The following ABCC9 variants were observed in gnomAD, a reference collection of about 807,000 sequenced individuals.
ABCC9 encodes the protein ATP binding cassette subfamily C member 9.
A neutral mutation model predicts 188.3 loss-of-function variants in ABCC9; 95 were observed. The ratio of observed to expected loss-of-function variants is 0.50; its 90% CI spans 0.43 to 0.60. ABCC9 has a LOEUF of 0.60. Ranked by LOEUF, ABCC9 falls within the 20% of genes least tolerant of loss-of-function variation. ABCC9 has a pLI of 0.00. For missense variants in ABCC9, 1,102 were observed against 1,876.3 expected (o/e 0.59, Z 7.62); for synonymous variants, 659 against 652.7 (o/e 1.01, Z -0.15).
chr12:21,835,292 A>G lies in ABCC9; in HGVS notation c.3566+2786T>C, dbSNP rs138551756. ...ACCTAGTATGTAACTGACTCTGTCA[A>G]TATTCTAAAGATTAAGATGAAGGAC... On this transcript the variant is annotated intron_variant, in intron 30 of 39. Transcript: ENST00000261200. Among the ~76,000 whole-genome samples, 320 of 152,346 alleles carry G rather than the reference A, an allele frequency of 2.1e-3. 2 individuals are homozygous for G. The highest frequency in any genetic ancestry group is 7.5e-3 in the African/African-American group (311 of 41,578).
At position 21,807,461 on chromosome 12, in the gene ABCC9, C is replaced by T. The variant is rs1274738612; in HGVS notation, c.4334G>A (p.Gly1445Asp). 1.9e-6 allele frequency: 3 copies of T among 1,613,878 alleles called. No individual in the cohort carries two copies. Among genetic ancestry groups the T allele is most frequent in the Non-Finnish European group, 2.5e-6 (3 of 1,179,794 alleles). ...CTGTCCAACGCTAAAATTCTCCCCA[C>T]CTTCAGTGACAACCGCATCTAAATC... ...PGGLDAVVTE[G>D]GENFSVGQRQ... is the part of the protein sequence containing the mutation. The change falls in exon 38 of 40, where the codon GGT becomes GAT. Residue 1445 changes from glycine to aspartate, a missense_variant. Gly to Asp is a moderately conservative substitution (Grantham distance 94). Around this residue, in one of 12 missense-constraint regions of ABCC9, gnomAD observed 40 missense variants for 105.5 expected, o/e 0.38. Coordinates refer to ENST00000261200, the MANE Select transcript of ABCC9 (RefSeq NM_020297.4).
At chr12:21,838,639 TGTA>T (rs1475354359) in intron 29 of ABCC9, among the ~76,000 whole-genome samples, 1 of 152,116 alleles carries the variant, frequency 6.6e-6, no homozygotes, top group African/African-American at 2.4e-5. Context: ...TTAGGGCTGT[TGTA>T]GTAGGAAGAG....
At chr12:21,907,209 C>G (rs1240443490) in intron 11 of ABCC9, among the ~76,000 whole-genome samples, 5 of 152,030 alleles carry the variant, frequency 3.3e-5, no homozygotes, top group Admixed American at 6.6e-5. Context: ...CTCTCCTAAG[C>G]TCCCCTTCCA....
At chr12:21,924,920 T>C (rs1231493362) in intron 5 of ABCC9, 1 of 152,196 alleles carries the variant, frequency 6.6e-6, no homozygotes, top group African/African-American at 2.4e-5. Context: ...AACAATCATA[T>C]AATGTGACAC....
rs539214678 is a variant in ABCC9, at chr12:21,808,851, C to A, written c.4315+1001G>T. Among the ~76,000 whole-genome samples the A allele has an allele frequency of 1.7e-4, 25 of 150,282 alleles. 1 individual carries two copies. In the East Asian group the frequency reaches 4.7e-3, roughly 28 times the overall value. ...CAGAGTTCTGGAATTATTTTCACAACCTGACCCTGGCAAGTCAATAAAACA... is the reference window on the plus strand; with the variant it reads ...CAGAGTTCTGGAATTATTTTCACAAACTGACCCTGGCAAGTCAATAAAACA... On this transcript the variant is annotated intron_variant, in intron 37 of 39. Transcript: ENST00000261200.
intron 12 of ABCC9, among the ~76,000 whole-genome samples, chr12:21,902,449 G>A (rs951235620): frequency 1.3e-5 from 2 of 152,156 alleles, no homozygotes; most frequent in Admixed American, 6.5e-5. Context: ...ACTTAGATCA[G>A]AGCAGAACTG....
chr12:21,844,489 A>G lies in ABCC9; in HGVS notation c.3309T>C (p.Ile1103=), dbSNP rs767919730. 1 of 1,613,184 alleles carries G rather than the reference A, an allele frequency of 6.2e-7. No homozygotes were observed. The highest frequency in any genetic ancestry group is 8.5e-7 in the Non-Finnish European group (1 of 1,179,170). The change falls in exon 28 of 40, where the codon ATT becomes ATC. Residue 1103 remains isoleucine, a synonymous_variant. Transcript: ENST00000261200. ...LNRFSADTNI[I]DQHIPPTLES... is the part of the protein sequence containing the mutation. ...AAGTAACCCAGTTACTCACCTGATC[A>G]ATGATATTAGTATCAGCTGAAAAGC...
At chr12:21,825,356 C>T (rs2137247948) in intron 31 of ABCC9, among the ~76,000 whole-genome samples, 1 of 152,308 alleles carries the variant, frequency 6.6e-6, no homozygotes, top group Admixed American at 6.5e-5. Context: ...ATGTTTATTG[C>T]AGCACTGCTC....
In ABCC9 at chr12:21,887,756, G is replaced by A. The variant is rs769668498; in HGVS notation, c.1911+70C>T. 467 of 1,001,086 alleles carry A rather than the reference G, an allele frequency of 4.7e-4. 4 individuals carry two copies. The Middle Eastern group carries it at 0.011, about 25-fold the overall frequency. 62.0% of individuals were successfully genotyped at this position (1,001,086 alleles called of 1,614,324 possible). A position where few individuals can be genotyped will look rare whatever the true frequency, so the allele number is the denominator to read the frequency against. ...GCTTATAATCTCTTCTAACTCAGTT[G>A]TATTAATCTGTCCATTCTGCTGAGA... On this transcript the variant is annotated intron_variant, in intron 15 of 39. Coordinates refer to ENST00000261200, the MANE Select transcript of ABCC9 (RefSeq NM_020297.4).
At chr12:21,894,452 A>C (rs1412605670) in intron 13 of ABCC9, among the ~76,000 whole-genome samples, 1 of 152,090 alleles carries the variant, frequency 6.6e-6, no homozygotes, top group African/African-American at 2.4e-5. Context: ...AAGTAGGGGG[A>C]ATAAAGGGAT....
intron 28 of ABCC9, among the ~76,000 whole-genome samples, chr12:21,843,918 A>G (rs1416160881): frequency 1.3e-5 from 2 of 152,212 alleles, no homozygotes; most frequent in Non-Finnish European, 2.9e-5. Flanking sequence ...TTCCTTTCTC[A>G]GTCATCCAGA....
intron 14 of ABCC9, among the ~76,000 whole-genome samples, chr12:21,889,685 A>G (rs1373750139): frequency 6.6e-6 from 1 of 152,182 alleles, no homozygotes; most frequent in Non-Finnish European, 1.5e-5. Context: ...GATACAAATC[A>G]CGAATCTTTC....
intron 31 of ABCC9, among the ~76,000 whole-genome samples, chr12:21,821,478 T>C (rs1406948980): frequency 6.6e-6 from 1 of 152,142 alleles, no homozygotes; most frequent in Non-Finnish European, 1.5e-5. Flanking sequence ...GCTGTTGCTG[T>C]GTTTTTTATA....
intron 7 of ABCC9, among the ~76,000 whole-genome samples, chr12:21,915,257 G>GTA (rs1294149279): frequency 3.9e-4 from 45 of 116,710 alleles, no homozygotes; most frequent in African/African-American, 1.4e-3. Flanking sequence ...GTGTGTGTGT[G>GTA]TGTGTATATA....
At chr12:21,812,220 T>G in intron 35 of ABCC9, 63 bp from the exon 36 acceptor site, 1 of 1,253,424 alleles carries the variant, frequency 8.0e-7, no homozygotes, top group Non-Finnish European at 1.2e-6. Flanking sequence ...AATATTTGTT[T>G]ACAAATTGAA....
At chr12:21,847,346 A>T (rs1159802447) in intron 25 of ABCC9, among the ~76,000 whole-genome samples, 2 of 152,192 alleles carry the variant, frequency 1.3e-5, no homozygotes, top group African/African-American at 4.8e-5. Flanking sequence ...TAGAAATTGA[A>T]AGTAAAATGT....
chr12:21,820,025 AG>A (rs1942940501), intron 31 of ABCC9, among the ~76,000 whole-genome samples: 1 of 152,182 alleles, frequency 6.6e-6, no homozygotes, highest in African/African-American at 2.4e-5. Flanking sequence ...GTTCTTCTGC[AG>A]TTTATACATG....
chr12:21,940,912 A>G (rs1311321846), intron 1 of ABCC9, 87 bp from the exon 2 acceptor site: 2 of 152,200 alleles, frequency 1.3e-5, no homozygotes, highest in East Asian at 3.8e-4. Context: ...AAAGGCGGTA[A>G]TAATAACTCC....
chr12:21,912,386 AAT>A (rs1394491771), intron 8 of ABCC9, among the ~76,000 whole-genome samples: 10 of 152,148 alleles, frequency 6.6e-5, no homozygotes, highest in African/African-American at 2.4e-4. Flanking sequence ...TGTCTAATAA[AAT>A]ATCATAATGT....
Sources: allele counts gnomAD v4.1 joint callset (sites outside exome capture counted in the v4.1 genomes callset), GRCh38; gene constraint gnomAD v4.1.1; regional missense constraint gnomAD v4.1.1; transcripts MANE v1.5; gene names NCBI Gene and HGNC (gene_info 2026-07-23, HGNC 2026-07-21).